Variants in SCAPER observed in about 807,000 individuals in gnomAD.
SCAPER encodes S phase cyclin A-associated protein in the endoplasmic reticulum.
A neutral mutation model predicts 182.2 loss-of-function variants in SCAPER; 98 were observed. That is an observed-to-expected ratio of 0.54 (90% CI 0.46 to 0.64). The LOEUF (loss-of-function observed/expected upper bound fraction) is 0.64, where lower values mean the gene tolerates loss of function less well. Among genes scored for constraint, SCAPER ranks in the 30% least tolerant of loss-of-function variants. The pLI, the probability that SCAPER is intolerant of heterozygous loss-of-function variation, is 0.00. For synonymous variants in SCAPER, 605 were observed against 564.6 expected, an observed-to-expected ratio of 1.07 and a Z score of -1.01; for missense variants, 1,432 against 1,690.0, an observed-to-expected ratio of 0.85 and a Z score of 2.68.
chr15:76,629,632 C>CT (rs1043699453), intron 21 of SCAPER, among the ~76,000 whole-genome samples: 1 of 152,146 alleles, frequency 6.6e-6, no homozygotes, highest in Admixed American at 6.5e-5. Flanking sequence ...GGTGGATAAG[C>CT]TTTTTCATGT....
At chr15:76,540,111 T>C (rs991261133) in intron 23 of SCAPER, among the ~76,000 whole-genome samples, 3 of 152,188 alleles carry the variant, frequency 2.0e-5, no homozygotes, top group Non-Finnish European at 4.4e-5. Context: ...TTTTGGATGG[T>C]TTAATTTTTA....
At chr15:76,683,048 C>A (rs902225199) in intron 20 of SCAPER, among the ~76,000 whole-genome samples, 1 of 152,104 alleles carries the variant, frequency 6.6e-6, no homozygotes, top group Non-Finnish European at 1.5e-5. Context: ...TGGTTCTTAA[C>A]CAGGCTGAAA....
rs1216201867 is a variant in SCAPER, at chr15:76,575,273, T to A, written c.2712-989A>T. 3.3e-5 allele frequency among the ~76,000 whole-genome samples: 5 copies of A among 152,140 alleles called. No individual in the cohort carries two copies. In the East Asian group the frequency reaches 9.6e-4, roughly 29 times the overall value. On this transcript the variant is annotated intron_variant, in intron 22 of 31. Transcript: ENST00000563290. ...GGGGGAGTCAGACCATGCAAAATACTGGTAGGACTACTGATTCAAGATCTT... is the reference window on the plus strand; with the variant it reads ...GGGGGAGTCAGACCATGCAAAATACAGGTAGGACTACTGATTCAAGATCTT...
intron 26 of SCAPER, among the ~76,000 whole-genome samples, chr15:76,418,070 T>A (rs1181832657): frequency 6.6e-6 from 1 of 152,144 alleles, no homozygotes; most frequent in Non-Finnish European, 1.5e-5. Flanking sequence ...GTCAGCAAGA[T>A]GACCAATTAG....
At chr15:76,452,403 A>C (rs186113107) in intron 25 of SCAPER, among the ~76,000 whole-genome samples, 1 of 152,230 alleles carries the variant, frequency 6.6e-6, no homozygotes, top group Non-Finnish European at 1.5e-5. Context: ...CTAAATCTTC[A>C]TATTAAATAA....
chr15:76,599,623 G>C (rs1374999795), intron 22 of SCAPER, among the ~76,000 whole-genome samples: 1 of 121,964 alleles, frequency 8.2e-6, no homozygotes, highest in East Asian at 2.2e-4. Context: ...TTATACAAAA[G>C]AGTACATACT....
intron 3 of SCAPER, among the ~76,000 whole-genome samples, chr15:76,858,195 G>A (rs2071566618): frequency 6.6e-6 from 1 of 152,114 alleles, no homozygotes; most frequent in Non-Finnish European, 1.5e-5. Flanking sequence ...ACAAAGTCCA[G>A]TTACTGGTAC....
At chr15:76,863,286 T>C (rs765592044) in intron 2 of SCAPER, among the ~76,000 whole-genome samples, 4 of 152,200 alleles carry the variant, frequency 2.6e-5, no homozygotes, top group Non-Finnish European at 4.4e-5. Flanking sequence ...AAAACACCCA[T>C]GTGAACACGA....
At chr15:76,588,814 A>G (rs181110291) in intron 22 of SCAPER, among the ~76,000 whole-genome samples, 30 of 152,090 alleles carry the variant, frequency 2.0e-4, no homozygotes, top group Admixed American at 1.4e-3. Flanking sequence ...GTGTTAAAGA[A>G]CCTTGTTTTG....
chr15:76,785,455 T>C (rs2151418350), intron 8 of SCAPER, among the ~76,000 whole-genome samples: 1 of 152,344 alleles, frequency 6.6e-6, no homozygotes, highest in East Asian at 1.9e-4. Context: ...TCAACCACTG[T>C]GGAAGACAGT....
At chr15:76,758,904 A>AC (rs1034953233) in intron 14 of SCAPER, among the ~76,000 whole-genome samples, 5 of 152,042 alleles carry the variant, frequency 3.3e-5, no homozygotes, top group Admixed American at 3.3e-4. Flanking sequence ...GTGTATGAAA[A>AC]CCCCACTGAT....
chr15:76,649,615 G>C (rs1445910916), intron 21 of SCAPER, among the ~76,000 whole-genome samples: 1 of 147,172 alleles, frequency 6.8e-6, no homozygotes, highest in Non-Finnish European at 1.5e-5. Flanking sequence ...ATATACAGCA[G>C]AAAAGAAAAA....
At chr15:76,567,075 C>T (rs1157980138) in intron 23 of SCAPER, among the ~76,000 whole-genome samples, 1 of 152,024 alleles carries the variant, frequency 6.6e-6, no homozygotes, top group African/African-American at 2.4e-5. Flanking sequence ...AGTTTTACCA[C>T]CTATGTGTAT....
At chr15:76,816,214 A>G (rs896520843) in intron 5 of SCAPER, among the ~76,000 whole-genome samples, 2 of 152,248 alleles carry the variant, frequency 1.3e-5, no homozygotes, top group African/African-American at 4.8e-5. Context: ...ACCTTAGCTT[A>G]CTACAATCTT....
At chr15:76,621,931 C>T in intron 21 of SCAPER, 102 bp from the exon 22 acceptor site, 1 of 744,220 alleles carries the variant, frequency 1.3e-6, no homozygotes, top group Non-Finnish European at 2.2e-6. Context: ...AACACTAAGC[C>T]TATTAAATCT....
chr15:76,612,520 G>A (rs1037576370), intron 22 of SCAPER, among the ~76,000 whole-genome samples: 1 of 152,060 alleles, frequency 6.6e-6, no homozygotes, highest in Non-Finnish European at 1.5e-5. Context: ...ACAGGCATGA[G>A]GCACTGTGCC....
At chr15:76,864,944 T>C (rs965686916) in intron 2 of SCAPER, among the ~76,000 whole-genome samples, 10 of 152,140 alleles carry the variant, frequency 6.6e-5, no homozygotes, top group South Asian at 2.1e-4. Flanking sequence ...CCTGAAGCAT[T>C]TGAGAACAAT....
chr15:76,402,524 T>A (rs1596455620), intron 27 of SCAPER, among the ~76,000 whole-genome samples: 1 of 152,134 alleles, frequency 6.6e-6, no homozygotes, highest in East Asian at 1.9e-4. Flanking sequence ...TTTGACCTCC[T>A]CTGTAAGTGC....
At position 76,794,573 on chromosome 15, in the gene SCAPER, T is replaced by C. The variant is rs1019315772; in HGVS notation, c.772+707A>G. ...TCTTTTGTTATGTGCAATAAAACAT[T>C]TCTTTCTGAACCGAAAAGTTCCAAT... On this transcript the variant is annotated intron_variant, in intron 8 of 31. Transcript: ENST00000563290. 9.8e-5 allele frequency among the ~76,000 whole-genome samples: 15 copies of C among 152,358 alleles called. No individual in the cohort carries two copies. In the East Asian group the frequency reaches 1.2e-3, roughly 12 times the overall value.
Sources: gnomAD v4.1 joint callset for allele counts (sites outside exome capture counted in the v4.1 genomes callset) on GRCh38, gnomAD v4.1.1 for gene constraint, MANE v1.5 for transcripts, NCBI Gene and HGNC (gene_info 2026-07-23, HGNC 2026-07-21) for gene names.